PIGF: variants seen among roughly 807,000 people sequenced by gnomAD.
PIGF encodes GPI ethanolamine phosphate transferase, stabilizing subunit.
Under a neutral mutation model 26.0 loss-of-function variants are expected in PIGF, and 23 were observed. The ratio of observed to expected loss-of-function variants is 0.88; its 90% confidence interval spans 0.64 to 1.25. PIGF has a LOEUF of 1.25. PIGF is among the 50% of genes most tolerant of loss of function. The pLI, the probability that PIGF is intolerant of heterozygous loss-of-function variation, is 0.00. For synonymous variants in PIGF, 93 were observed against 92.6 expected, an observed-to-expected ratio of 1.00 and a Z score of -0.03; for missense variants, 278 against 249.9, an observed-to-expected ratio of 1.11 and a Z score of -0.76.
In PIGF at chr2:46,581,519, T is replaced by A. The variant is rs541572382; in HGVS notation, c.619A>T (p.Ile207Leu). 54 of 1,611,536 alleles carry A rather than the reference T, an allele frequency of 3.4e-5. No individual in the cohort carries two copies. The African/African-American group carries it at 6.1e-4, about 18-fold the overall frequency. Residue 207 changes from isoleucine to leucine, a missense_variant, in exon 6 of 6, where the codon ATA becomes TTA. Coordinates refer to ENST00000281382, the MANE Select transcript of PIGF (RefSeq NM_002643.4). ...VAGLVISPLW[I>L]YWNRKQLTYK... ...GTAAGTTGCTTTCTATTCCAGTATA[T>A]CCAGAGTGGTGAAATAACAAGGCCA...
chr2:46,585,727 C>G (rs1330655644), intron 5 of PIGF, among the ~76,000 whole-genome samples: 1 of 152,144 alleles, frequency 6.6e-6, no homozygotes, highest in East Asian at 1.9e-4. Context: ...GAGTAATATA[C>G]TGTGTGGTAG....
chr2:46,602,598 C>G (rs2104110522), intron 4 of PIGF, among the ~76,000 whole-genome samples: 1 of 151,868 alleles, frequency 6.6e-6, no homozygotes, highest in Non-Finnish European at 1.5e-5. Flanking sequence ...ACACACAAAA[C>G]TCTACTGTGT....
intron 4 of PIGF, among the ~76,000 whole-genome samples, chr2:46,602,486 T>C (rs570750663): frequency 1.3e-5 from 2 of 151,994 alleles, no homozygotes; most frequent in East Asian, 1.9e-4. Flanking sequence ...TCAACACTAA[T>C]TGAGATATCA....
At chr2:46,594,903 T>C (rs893798305) in intron 4 of PIGF, among the ~76,000 whole-genome samples, 2 of 151,564 alleles carry the variant, frequency 1.3e-5, no homozygotes, top group African/African-American at 2.4e-5. Context: ...TAGGCTGGAA[T>C]GCAATGGCGC....
intron 1 of PIGF, chr2:46,615,949 C>A (rs575685108): frequency 3.9e-5 from 6 of 152,182 alleles, no homozygotes; most frequent in African/African-American, 1.2e-4. Context: ...TAAACAAGGA[C>A]TTTATTAATT....
At chr2:46,591,781 T>C (rs1669728602) in intron 5 of PIGF, 1 of 1,235,970 alleles carries the variant, frequency 8.1e-7, no homozygotes, top group Non-Finnish European at 1.0e-6. Context: ...ATCTGTAAAA[T>C]GGGTATAAAA....
intron 4 of PIGF, among the ~76,000 whole-genome samples, chr2:46,608,604 G>C (rs1670298063): frequency 6.6e-6 from 1 of 152,136 alleles, no homozygotes; most frequent in Non-Finnish European, 1.5e-5. Context: ...CTTACAAAAT[G>C]TGTTTCTTAA....
chr2:46,593,092 T>C (rs527920764), intron 4 of PIGF, among the ~76,000 whole-genome samples: 1 of 152,268 alleles, frequency 6.6e-6, no homozygotes, highest in East Asian at 1.9e-4. Flanking sequence ...TGTAACAGTA[T>C]TCCATTGTAT....
chr2:46,595,163 A>G (rs531364994), intron 4 of PIGF, among the ~76,000 whole-genome samples: 1 of 152,262 alleles, frequency 6.6e-6, no homozygotes, highest in East Asian at 1.9e-4. Context: ...ATACAAATCA[A>G]TGGTTTTTAG....
intron 5 of PIGF, chr2:46,587,972 T>C (rs1669628440): frequency 1.1e-6 from 1 of 919,502 alleles, no homozygotes; most frequent in Non-Finnish European, 1.5e-6. Context: ...CTCATGTGAA[T>C]CTTAAGTCTC....
At chr2:46,584,976 C>T (rs546626186) in intron 5 of PIGF, among the ~76,000 whole-genome samples, 150 of 152,270 alleles carry the variant, frequency 9.9e-4, no homozygotes, top group African/African-American at 3.0e-3. Flanking sequence ...CTAGCTTAAT[C>T]AGGTATTTTC....
intron 4 of PIGF, among the ~76,000 whole-genome samples, chr2:46,605,635 C>T (rs187939118): frequency 1.3e-5 from 2 of 152,180 alleles, no homozygotes; most frequent in South Asian, 2.1e-4. Flanking sequence ...AGTAGCTTGT[C>T]TAAGATCACT....
At chr2:46,611,939 AT>A (rs900301109) in intron 4 of PIGF, among the ~76,000 whole-genome samples, 1 of 149,972 alleles carries the variant, frequency 6.7e-6, no homozygotes, top group Non-Finnish European at 1.5e-5. Context: ...TAATAGTAGA[AT>A]TTTTTTTTAT....
chr2:46,591,838 T>C (rs1002684613), intron 5 of PIGF: 1 of 1,302,194 alleles, frequency 7.7e-7, no homozygotes, highest in African/African-American at 1.5e-5. Context: ...AGCTTTATCT[T>C]ATTGTGATAC....
intron 4 of PIGF, among the ~76,000 whole-genome samples, chr2:46,601,958 CA>C (rs1164908611): frequency 1.3e-5 from 2 of 151,182 alleles, no homozygotes. Context: ...ACTGATATGT[CA>C]AAAAACAAGT....
intron 4 of PIGF, among the ~76,000 whole-genome samples, chr2:46,592,927 T>C (rs1378704741): frequency 6.6e-6 from 1 of 152,210 alleles, no homozygotes; most frequent in Non-Finnish European, 1.5e-5. Flanking sequence ...CTTCCAGAAA[T>C]ATTTTATACA....
intron 3 of PIGF, 68 bp from the exon 4 acceptor site, chr2:46,612,412 T>C: frequency 2.2e-6 from 1 of 460,552 alleles, no homozygotes; most frequent in Non-Finnish European, 3.8e-6. Context: ...ATAATCTTTA[T>C]TATATAAATA....
chr2:46,615,129 G>C lies in PIGF; in HGVS notation c.36C>G (p.Thr12=), dbSNP rs79166912. 17 of 1,561,928 alleles carry C rather than the reference G, an allele frequency of 1.1e-5. No individual in the cohort carries two copies. Among genetic ancestry groups the C allele is most frequent in the Non-Finnish European group, 1.5e-5 (17 of 1,132,622 alleles). The part of the protein sequence containing the change: ...KDNDIKRLLY[T]HLLCIFSIIL... ...TAATTGAAAATATGCATAAAAGATG[G>C]GTATACAGTAGTCTCTTGATATCGT... Residue 12 remains threonine, a synonymous_variant, in exon 2 of 6, where the codon ACC becomes ACG. Coordinates refer to ENST00000281382, the MANE Select transcript of PIGF (RefSeq NM_002643.4).
intron 4 of PIGF, among the ~76,000 whole-genome samples, chr2:46,608,423 C>A (rs775581646): frequency 5.9e-5 from 9 of 152,202 alleles, no homozygotes; most frequent in Non-Finnish European, 7.3e-5. Context: ...AACCTCTCAA[C>A]ATCATTCATG....
Sources: gnomAD v4.1 joint callset for allele counts (sites outside exome capture counted in the v4.1 genomes callset) on GRCh38, gnomAD v4.1.1 for gene constraint, MANE v1.5 for transcripts, NCBI Gene and HGNC (gene_info 2026-07-23, HGNC 2026-07-21) for gene names.